Variants in ANXA11 observed in about 807,000 individuals in gnomAD.
ANXA11 encodes the protein 56 kDa autoantigen.
A neutral mutation model predicts 64.7 loss-of-function variants in ANXA11; 57 were observed. The ratio of observed to expected loss-of-function variants is 0.88; its 90% CI spans 0.71 to 1.10. The LOEUF (loss-of-function observed/expected upper bound fraction) is 1.10, where lower values mean the gene tolerates loss of function less well. ANXA11 is among the 50% of genes least tolerant of loss of function. The pLI, the probability that ANXA11 is intolerant of heterozygous loss-of-function variation, is 0.00. For missense variants in ANXA11, 675 were observed against 670.7 expected (o/e 1.01, Z -0.07); for synonymous variants, 260 against 265.2 (o/e 0.98, Z 0.19).
Position 80,157,978 on chromosome 10 carries a change from T to C in ANXA11, c.1324A>G (p.Lys442Glu). The C allele has an allele frequency of 6.2e-7, 1 of 1,614,036 alleles. No individual in the cohort carries two copies. Among genetic ancestry groups the C allele is most frequent in the Non-Finnish European group, 8.5e-7 (1 of 1,179,962 alleles). Residue 442 changes from lysine (K) to glutamate (E), a missense_variant, in exon 14 of 16, where the codon AAG (lysine) becomes GAG (glutamate). Transcript: ENST00000422982. ...TGGAAGTTACATACCCTCATGGCCT[T>C]GTTGAGCCTCTCCGCAAAGAAGGCT... ...TPAFFAERLN[K>E]AMRGAGTKDR...
Position 80,155,814 on chromosome 10 carries a change from T to C in ANXA11, c.*39A>G, listed in dbSNP as rs376530605. 1.3e-6 allele frequency: 2 copies of C among 1,594,660 alleles called. No individual in the cohort carries two copies. Among genetic ancestry groups the C allele is most frequent in the African/African-American group, 1.3e-5 (1 of 74,476 alleles). On this transcript the variant is annotated 3_prime_UTR_variant, in exon 16 of 16. Coordinates refer to ENST00000422982, the MANE Select transcript of ANXA11 (RefSeq NM_145868.2). ...TTTTGGCCTTTTCCTGGCACTGGTGTTGCCGGCAGGTGGGCAGAAGTGAGC... is the reference window on the plus strand; with the variant it reads ...TTTTGGCCTTTTCCTGGCACTGGTGCTGCCGGCAGGTGGGCAGAAGTGAGC...
Position 80,172,753 on chromosome 10 carries a change from C to T in ANXA11, c.55+54G>A, listed in dbSNP as rs75804987. On this transcript the variant is annotated intron_variant, in intron 3 of 15. Transcript: ENST00000422982. ...ACTACTGTTCTCCCCTCTCCACTCC[C>T]AGCCACTGTACAGAGGCAGCATTCA... The T allele has an allele frequency of 0.14, 211,662 of 1,562,876 alleles. 15,883 individuals carry two copies. The highest frequency in any genetic ancestry group is 0.24 in the Admixed American group (14,591 of 59,914).
At chr10:80,174,666 G>T (rs1846102817) in intron 2 of ANXA11, among the ~76,000 whole-genome samples, 1 of 152,074 alleles carries the variant, frequency 6.6e-6, no homozygotes, top group South Asian at 2.1e-4. Flanking sequence ...CCGCCTCCTG[G>T]GATCAAGGGA....
In ANXA11 at chr10:80,153,327, C is replaced by G. The variant is rs561559768; in HGVS notation, c.*2526G>C. The G allele has an allele frequency of 6.6e-5, 10 of 152,182 alleles. No individual in the cohort carries two copies. The highest frequency in any genetic ancestry group is 1.3e-4 in the Non-Finnish European group (9 of 68,032). 9.4% of individuals were successfully genotyped at this position (152,182 alleles called of 1,614,324 possible). A position where few individuals can be genotyped will look rare whatever the true frequency, so the allele number is the denominator to read the frequency against. Reference sequence around the variant, plus strand: ...GAATTTCTGAGTTTTCAAGAGAAGCCAGAATTCCAGATTTTTAAAAATATG... The same window carrying G: ...GAATTTCTGAGTTTTCAAGAGAAGCGAGAATTCCAGATTTTTAAAAATATG... On this transcript the variant is annotated 3_prime_UTR_variant, in exon 16 of 16. Coordinates refer to ENST00000422982, the MANE Select transcript of ANXA11 (RefSeq NM_145868.2).
chr10:80,192,358 G>A (rs1426639907), intron 1 of ANXA11, among the ~76,000 whole-genome samples: 2 of 152,036 alleles, frequency 1.3e-5, no homozygotes, highest in East Asian at 3.9e-4. Flanking sequence ...CAGGACATCT[G>A]AGAAAGTCTA....
At chr10:80,198,344 C>T (rs1170252672) in intron 1 of ANXA11, among the ~76,000 whole-genome samples, 1 of 152,226 alleles carries the variant, frequency 6.6e-6, no homozygotes, top group Non-Finnish European at 1.5e-5. Context: ...TAGCCTGGCA[C>T]ACAGCAGCCC....
chr10:80,166,025 C>A, intron 8 of ANXA11, 59 bp downstream of exon 8: 1 of 1,047,524 alleles, frequency 9.5e-7, no homozygotes, highest in Non-Finnish European at 1.4e-6. Context: ...CGCATGCGCG[C>A]GTGCGCACAC....
chr10:80,198,457 C>T (rs780258353), intron 1 of ANXA11, among the ~76,000 whole-genome samples: 4 of 152,226 alleles, frequency 2.6e-5, no homozygotes, highest in Admixed American at 6.5e-5. Context: ...GGCACCTAGA[C>T]GGTGCTACCC....
At chr10:80,168,309 C>T (rs2573349) in intron 5 of ANXA11, among the ~76,000 whole-genome samples, 6,301 of 152,138 alleles carry the variant, frequency 0.041, 162 homozygotes, top group Non-Finnish European at 0.061. Flanking sequence ...GAGCACAAAG[C>T]CTTGAGACAG....
intron 1 of ANXA11, among the ~76,000 whole-genome samples, chr10:80,201,098 T>C (rs916162034): frequency 2.0e-5 from 3 of 152,112 alleles, no homozygotes; most frequent in Non-Finnish European, 2.9e-5. Context: ...AGCCTGTCTA[T>C]CATCAGATCC....
At chr10:80,181,032 C>T (rs1057285059) in intron 1 of ANXA11, 3 of 152,204 alleles carry the variant, frequency 2.0e-5, no homozygotes, top group Admixed American at 6.5e-5. Flanking sequence ...AACTGTGAGC[C>T]AAATAAGCTA....
intron 1 of ANXA11, among the ~76,000 whole-genome samples, chr10:80,177,231 C>T (rs973233018): frequency 2.2e-4 from 33 of 152,090 alleles, no homozygotes; most frequent in South Asian, 2.1e-4. Context: ...TCAGATGATC[C>T]GCCCGCCTCA....
intron 1 of ANXA11, among the ~76,000 whole-genome samples, chr10:80,197,623 C>T (rs1840223926): frequency 6.6e-6 from 1 of 152,046 alleles, no homozygotes; most frequent in African/African-American, 2.4e-5. Context: ...GAGGAGGTAG[C>T]ACAAAAAAAT....
intron 1 of ANXA11, among the ~76,000 whole-genome samples, chr10:80,201,265 C>T (rs2819941): frequency 0.65 from 98,714 of 151,920 alleles, 33,041 homozygotes; most frequent in African/African-American, 0.8. Flanking sequence ...TCACCCTGGC[C>T]CCTGGGATAC....
intron 2 of ANXA11, among the ~76,000 whole-genome samples, chr10:80,174,855 C>T (rs890407056): frequency 6.6e-6 from 1 of 152,220 alleles, no homozygotes; most frequent in African/African-American, 2.4e-5. Flanking sequence ...CTGTGCCCAG[C>T]CTACATGCTG....
intron 1 of ANXA11, among the ~76,000 whole-genome samples, chr10:80,200,035 A>G (rs1435211582): frequency 6.6e-6 from 1 of 152,244 alleles, no homozygotes; most frequent in Admixed American, 6.5e-5. Context: ...GAGGCAGAGC[A>G]GTCCGCTTCT....
intron 5 of ANXA11, among the ~76,000 whole-genome samples, chr10:80,168,083 T>A (rs1278798138): frequency 6.6e-6 from 1 of 152,054 alleles, no homozygotes; most frequent in Non-Finnish European, 1.5e-5. Flanking sequence ...ATTGAGCACA[T>A]ACCACTACCC....
At chr10:80,183,060 TG>T (rs1250139850) in intron 1 of ANXA11, among the ~76,000 whole-genome samples, 1 of 152,156 alleles carries the variant, frequency 6.6e-6, no homozygotes, top group Non-Finnish European at 1.5e-5. Flanking sequence ...TGGCATGGGC[TG>T]GGGAAATGAA....
At chr10:80,155,963 C>T (rs777665525) in intron 15 of ANXA11, 51 bp from the exon 16 acceptor site, 8 of 1,574,608 alleles carry the variant, frequency 5.1e-6, no homozygotes, top group Admixed American at 3.3e-5. Flanking sequence ...CAGTCACTTT[C>T]AGCCTTCTGG....
Sources: allele counts gnomAD v4.1 joint callset (sites outside exome capture counted in the v4.1 genomes callset), GRCh38; gene constraint gnomAD v4.1.1; transcripts MANE v1.5; gene names NCBI Gene and HGNC (gene_info 2026-07-23, HGNC 2026-07-21).